Variants in BSPH1 observed in about 807,000 individuals in gnomAD.
BSPH1 encodes binder of sperm 1.
A neutral mutation model predicts 22.5 loss-of-function variants in BSPH1; 21 were observed. The observed-to-expected ratio is 0.93, with a 90% CI of 0.66 to 1.35. The LOEUF is 1.35. Ranked by LOEUF, BSPH1 falls within the 40% of genes most tolerant of loss-of-function variation. BSPH1 has a pLI of 0.00. For missense variants in BSPH1, 141 were observed against 154.2 expected, an observed-to-expected ratio of 0.91 and a Z score of 0.45; for synonymous variants, 42 against 53.6, an observed-to-expected ratio of 0.78 and a Z score of 0.95.
chr19:47,991,565 C>T (rs1457499174), intron 1 of BSPH1, among the ~76,000 whole-genome samples: 1 of 117,182 alleles, frequency 8.5e-6, no homozygotes, highest in Non-Finnish European at 1.8e-5. Flanking sequence ...CGGTCATCCT[C>T]CTCCTCCCTC....
intron 5 of BSPH1, among the ~76,000 whole-genome samples, chr19:47,976,169 T>G (rs557949281): frequency 6.9e-6 from 1 of 144,054 alleles, no homozygotes; most frequent in Non-Finnish European, 1.5e-5. Context: ...TATTTTATTT[T>G]AGAGGTGGGT....
chr19:47,975,813 G>A (rs984273115), intron 5 of BSPH1, among the ~76,000 whole-genome samples: 2 of 151,900 alleles, frequency 1.3e-5, no homozygotes, highest in African/African-American at 2.4e-5. Flanking sequence ...CCGCCACCAC[G>A]CCCGGCTAAT....
At chr19:47,968,930 C>T (rs998921006) in intron 5 of BSPH1, among the ~76,000 whole-genome samples, 4 of 142,286 alleles carry the variant, frequency 2.8e-5, no homozygotes, top group Non-Finnish European at 4.6e-5. Flanking sequence ...ACATGGGAGG[C>T]GGAGGTTGCA....
chr19:47,983,065 G>C (rs865951987), intron 1 of BSPH1, among the ~76,000 whole-genome samples: 44 of 152,188 alleles, frequency 2.9e-4, no homozygotes, highest in African/African-American at 9.4e-4. Flanking sequence ...CCACTGAACT[G>C]TGCACTGGTT....
At chr19:47,971,252 G>A (rs1005816313) in intron 5 of BSPH1, among the ~76,000 whole-genome samples, 1 of 152,280 alleles carries the variant, frequency 6.6e-6, no homozygotes, top group East Asian at 1.9e-4. Flanking sequence ...CTTCCAGGCT[G>A]GAGTGCAGTG....
chr19:47,986,447 G>A (rs1969471715), intron 1 of BSPH1, among the ~76,000 whole-genome samples: 1 of 152,084 alleles, frequency 6.6e-6, no homozygotes, highest in African/African-American at 2.4e-5. Flanking sequence ...TTGTGCTGTA[G>A]AATTTTACTG....
intron 5 of BSPH1, among the ~76,000 whole-genome samples, chr19:47,970,903 C>T (rs187796868): frequency 3.5e-4 from 54 of 152,156 alleles, no homozygotes; most frequent in African/African-American, 6.5e-4. Context: ...ATCTCAGAGC[C>T]GAACTAAGCC....
chr19:47,977,495 C>G lies in BSPH1; in HGVS notation c.134G>C (p.Cys45Ser), dbSNP rs1424007088. The change falls in exon 4 of 6, where the codon TGT becomes TCT. Residue 45 changes from cysteine to serine, a missense_variant. Transcript: ENST00000344839. ...ATTTTTATAGTGGAATGGAAAGACA[C>G]ACTCCCCATCTAGAGAAAACAAAAT... ...THFPEVTDGECVFPFHYKNGT... is the reference protein window; with the variant it reads ...THFPEVTDGESVFPFHYKNGT... 1 of 1,551,538 alleles carries G rather than the reference C, an allele frequency of 6.4e-7. No homozygotes were observed. The highest frequency in any genetic ancestry group is 2.0e-5 in the Admixed American group (1 of 50,994).
At position 47,974,269 on chromosome 19, in the gene BSPH1, C is replaced by CTCTCTCTTTT. The variant is rs57733472; in HGVS notation, c.*2+2440_*2+2441insAAAAGAGAGA. ...CCACAGCCACTTTCTCTCTCTCTCT[C>CTCTCTCTTTT]TTTTTTTTTTTTTTTTTTGAGATGG... is the stretch of plus-strand genomic sequence containing the variant. On this transcript the variant is annotated intron_variant, in intron 5 of 5. Coordinates refer to ENST00000344839, the MANE Select transcript of BSPH1 (RefSeq NM_001128326.2). Among the ~76,000 whole-genome samples, 193 of 75,994 alleles carry CTCTCTCTTTT rather than the reference C, an allele frequency of 2.5e-3. 2 individuals carry two copies. Among genetic ancestry groups the CTCTCTCTTTT allele is most frequent in the African/African-American group, 9.8e-3 (182 of 18,526 alleles). The allele number at this position is 75,994 out of a possible 152,430, so 49.9% of individuals were successfully genotyped here. A position where few individuals can be genotyped will look rare whatever the true frequency, so the allele number is the denominator to read the frequency against.
intron 1 of BSPH1, among the ~76,000 whole-genome samples, chr19:47,987,429 A>G (rs58101239): frequency 0.042 from 6,108 of 146,004 alleles, 283 homozygotes; most frequent in East Asian, 0.14. Flanking sequence ...TCTGTCACCC[A>G]GGTTGGAGTA....
At chr19:47,980,643 T>C (rs938858249) in intron 2 of BSPH1, among the ~76,000 whole-genome samples, 4 of 152,024 alleles carry the variant, frequency 2.6e-5, no homozygotes, top group African/African-American at 9.7e-5. Context: ...TAATTTTTTG[T>C]AGTTTTTTAG....
intron 1 of BSPH1, among the ~76,000 whole-genome samples, chr19:47,988,563 G>T (rs1600093665): frequency 1.3e-5 from 2 of 152,044 alleles, no homozygotes; most frequent in Non-Finnish European, 2.9e-5. Context: ...GGGTGCATGA[G>T]AGCTCTTAGC....
intron 1 of BSPH1, among the ~76,000 whole-genome samples, chr19:47,984,959 C>T (rs577524667): frequency 4.6e-5 from 7 of 150,612 alleles, no homozygotes; most frequent in African/African-American, 9.8e-5. Flanking sequence ...CCCAGCTACT[C>T]AGGAGGCTGA....
At chr19:47,977,695 C>T (rs557703658) in intron 3 of BSPH1, 191 bp from the exon 4 acceptor site, 1 of 984,924 alleles carries the variant, frequency 1.0e-6, no homozygotes, top group South Asian at 4.7e-5. Flanking sequence ...TATATTCCTG[C>T]CCCTGCCCTA....
chr19:47,982,482 T>A (rs1310325180), intron 1 of BSPH1, among the ~76,000 whole-genome samples: 1 of 152,216 alleles, frequency 6.6e-6, no homozygotes, highest in Admixed American at 6.5e-5. Context: ...AAAACGTTTT[T>A]CCTTAGGCAC....
chr19:47,991,483 C>T (rs1284900176), intron 1 of BSPH1, among the ~76,000 whole-genome samples: 1 of 148,230 alleles, frequency 6.7e-6, no homozygotes, highest in Non-Finnish European at 1.5e-5. Context: ...CCTCCTTCTT[C>T]TTCTCTTCCT....
intron 1 of BSPH1, among the ~76,000 whole-genome samples, chr19:47,990,697 T>C (rs373835860): frequency 6.6e-6 from 1 of 152,288 alleles, no homozygotes; most frequent in Non-Finnish European, 1.5e-5. Flanking sequence ...GGTCATTCCA[T>C]AAAAAATTGT....
At chr19:47,973,216 C>CAAAAAAAAA (rs1412822380) in intron 5 of BSPH1, among the ~76,000 whole-genome samples, 2 of 78,024 alleles carry the variant, frequency 2.6e-5, no homozygotes, top group African/African-American at 1.0e-4. Flanking sequence ...GACTCCGTCT[C>CAAAAAAAAA]AAAATAATAA....
chr19:47,981,701 A>G (rs1600089559), intron 1 of BSPH1: 16 of 903,474 alleles, frequency 1.8e-5, no homozygotes, highest in Non-Finnish European at 1.7e-5. Context: ...AGAGAACATT[A>G]GGATGTCAAG....
Sources: gnomAD v4.1 joint callset for allele counts (sites outside exome capture counted in the v4.1 genomes callset) on GRCh38, gnomAD v4.1.1 for gene constraint, MANE v1.5 for transcripts, NCBI Gene and HGNC (gene_info 2026-07-23, HGNC 2026-07-21) for gene names.